CNTN6: variants seen among roughly 807,000 people sequenced by gnomAD.
CNTN6 encodes contactin 6, also known as contactin-6.
A neutral mutation model predicts 122.8 loss-of-function variants in CNTN6; 137 were observed. That is an observed-to-expected ratio of 1.12 (90% confidence interval 0.97 to 1.29). The LOEUF (loss-of-function observed/expected upper bound fraction) is 1.29. Ranked by LOEUF, CNTN6 falls within the 50% of genes most tolerant of loss-of-function variation. The pLI, the probability that CNTN6 is intolerant of heterozygous loss-of-function variation, is 0.00. For synonymous variants in CNTN6, 570 were observed against 426.0 expected (o/e 1.34, Z -4.16); for missense variants, 1,634 against 1,223.4 (o/e 1.34, Z -5.01).
rs558326003 is a variant in CNTN6 at position 1,279,701 on chromosome 3, A to G, written c.454+1193A>G. Among the ~76,000 whole-genome samples, 6 of 152,330 alleles carry G rather than the reference A, an allele frequency of 3.9e-5. No homozygotes were observed. The South Asian group carries it at 1.2e-3, about 32-fold the overall frequency. On this transcript the variant is annotated intron_variant, in intron 5 of 22. Coordinates refer to ENST00000446702, the MANE Select transcript of CNTN6 (RefSeq NM_001289080.2). Reference sequence around the variant, plus strand: ...AGAACTTTTAAAATACAAAGGACAGATGTTTAAAAATAAAATTTAAGCAAT... The same window carrying G: ...AGAACTTTTAAAATACAAAGGACAGGTGTTTAAAAATAAAATTTAAGCAAT...
chr3:1,366,911 C>G (rs1708314517), intron 12 of CNTN6, among the ~76,000 whole-genome samples: 1 of 152,150 alleles, frequency 6.6e-6, no homozygotes, highest in African/African-American at 2.4e-5. Flanking sequence ...AGAGCTACTT[C>G]TTTTCAAATA....
At chr3:1,353,114 CT>C (rs1705924392) in intron 12 of CNTN6, among the ~76,000 whole-genome samples, 1 of 151,618 alleles carries the variant, frequency 6.6e-6, no homozygotes, top group Admixed American at 6.6e-5. Context: ...TATCTATTCC[CT>C]TTCCTTGCTG....
At chr3:1,116,861 C>T (rs150503161) in intron 1 of CNTN6, among the ~76,000 whole-genome samples, 2 of 152,018 alleles carry the variant, frequency 1.3e-5, no homozygotes, top group South Asian at 2.1e-4. Flanking sequence ...CCTGCCACCA[C>T]GCATGGCTAA....
chr3:1,247,688 C>A (rs985876529), intron 4 of CNTN6, among the ~76,000 whole-genome samples: 23 of 152,290 alleles, frequency 1.5e-4, no homozygotes, highest in Non-Finnish European at 2.6e-4. Context: ...CCGAGGGAAG[C>A]TTCTCCTGTG....
At chr3:1,362,326 G>GA (rs1326699559) in intron 12 of CNTN6, among the ~76,000 whole-genome samples, 6 of 151,830 alleles carry the variant, frequency 4.0e-5, no homozygotes, top group East Asian at 1.9e-4. Context: ...AAAACTCAGA[G>GA]AAAAAAACAG....
At chr3:1,354,355 A>T (rs1296522584) in intron 12 of CNTN6, among the ~76,000 whole-genome samples, 1 of 140,788 alleles carries the variant, frequency 7.1e-6, no homozygotes, top group East Asian at 2.0e-4. Flanking sequence ...ATTAATCAAG[A>T]TAGCTCAGTT....
At chr3:1,267,483 T>C (rs958484470) in intron 4 of CNTN6, among the ~76,000 whole-genome samples, 10 of 152,132 alleles carry the variant, frequency 6.6e-5, no homozygotes, top group African/African-American at 2.2e-4. Flanking sequence ...GTCTCAGTAA[T>C]TAAGAGGTCC....
chr3:1,237,934 A>C (rs182544349), intron 4 of CNTN6, among the ~76,000 whole-genome samples: 4 of 152,094 alleles, frequency 2.6e-5, no homozygotes, highest in Non-Finnish European at 5.9e-5. Context: ...ATACACAAAA[A>C]TAGAACCTCC....
intron 7 of CNTN6, among the ~76,000 whole-genome samples, chr3:1,312,259 G>T (rs925981637): frequency 1.3e-5 from 2 of 151,598 alleles, no homozygotes; most frequent in African/African-American, 4.8e-5. Context: ...AGAGTGGATT[G>T]TTACAGTGCT....
chr3:1,172,778 T>C (rs1341506165), intron 2 of CNTN6, among the ~76,000 whole-genome samples: 1 of 152,166 alleles, frequency 6.6e-6, no homozygotes, highest in East Asian at 1.9e-4. Flanking sequence ...AAGCAACTCA[T>C]ATACACGAGA....
At chr3:1,278,352 C>A in intron 4 of CNTN6, 61 bp from the exon 5 acceptor site, 1 of 1,177,912 alleles carries the variant, frequency 8.5e-7, no homozygotes, top group South Asian at 1.5e-5. Context: ...TGAGATTCTT[C>A]TTTAAAATAT....
intron 1 of CNTN6, among the ~76,000 whole-genome samples, chr3:1,107,870 T>A (rs1331629440): frequency 6.6e-6 from 1 of 152,114 alleles, no homozygotes; most frequent in South Asian, 2.1e-4. Context: ...GAGTTAGGTC[T>A]AAATTGCAGT....
intron 11 of CNTN6, among the ~76,000 whole-genome samples, chr3:1,351,154 C>T (rs138295023): frequency 3.8e-4 from 57 of 151,966 alleles, no homozygotes; most frequent in African/African-American, 1.1e-3. Flanking sequence ...ATAAATCCAA[C>T]GTCAGAAGCT....
At chr3:1,141,908 T>TA (rs1206968552) in intron 1 of CNTN6, among the ~76,000 whole-genome samples, 1 of 152,156 alleles carries the variant, frequency 6.6e-6, no homozygotes, top group Non-Finnish European at 1.5e-5. Context: ...TCTGCCTTTT[T>TA]ATTCAAGAAA....
chr3:1,098,014 A>G (rs895254090), intron 1 of CNTN6, among the ~76,000 whole-genome samples: 2 of 151,842 alleles, frequency 1.3e-5, no homozygotes, highest in African/African-American at 4.8e-5. Flanking sequence ...TGGTCTCTGG[A>G]TCCAACTAGA....
intron 1 of CNTN6, among the ~76,000 whole-genome samples, chr3:1,135,038 A>G (rs1472024): frequency 0.39 from 58,936 of 151,856 alleles, 12,018 homozygotes; most frequent in East Asian, 0.45. Context: ...CATAGCACAA[A>G]GTATTTCTGC....
chr3:1,102,259 A>G (rs142571467), intron 1 of CNTN6, among the ~76,000 whole-genome samples: 249 of 152,302 alleles, frequency 1.6e-3, no homozygotes, highest in African/African-American at 5.6e-3. Context: ...CCGCTGAGCT[A>G]TCTTTCTAAA....
chr3:1,373,904 T>C lies in CNTN6; in HGVS notation c.1946-20T>C, dbSNP rs771421489. On this transcript the variant is annotated intron_variant, in intron 15 of 22. Transcript: ENST00000446702. The stretch of plus-strand genomic sequence containing the variant: ...TTGAGTAGTCCCAACCTAGGTGCCT[T>C]AGTGTCTCATTCTTTTTAGTTCCAG... 1 of 1,601,020 alleles carries C rather than the reference T, an allele frequency of 6.2e-7. No individual in the cohort carries two copies. The highest frequency in any genetic ancestry group is 1.1e-5 in the South Asian group (1 of 88,660).
chr3:1,365,237 G>A (rs952361159), intron 12 of CNTN6, among the ~76,000 whole-genome samples: 2 of 151,916 alleles, frequency 1.3e-5, no homozygotes, highest in Non-Finnish European at 2.9e-5. Context: ...CCAATTATCT[G>A]GAGGCAAATC....
Sources: gnomAD v4.1 joint callset for allele counts (sites outside exome capture counted in the v4.1 genomes callset) on GRCh38, gnomAD v4.1.1 for gene constraint, MANE v1.5 for transcripts, NCBI Gene and HGNC (gene_info 2026-07-23, HGNC 2026-07-21) for gene names.